Variants in RAP1GAP2 observed in about 807,000 individuals in gnomAD.
RAP1GAP2 encodes rap1 GTPase-activating protein 2.
Under a neutral mutation model 95.0 loss-of-function variants are expected in RAP1GAP2, and 27 were observed. The observed-to-expected ratio is 0.28, with a 90% CI of 0.21 to 0.39. The LOEUF (loss-of-function observed/expected upper bound fraction) is 0.39. Ranked by LOEUF, RAP1GAP2 falls within the 10% of genes least tolerant of loss-of-function variation. The pLI, the probability that RAP1GAP2 is intolerant of heterozygous loss-of-function variation, is 1.00. For missense variants in RAP1GAP2, 771 were observed against 970.0 expected, an observed-to-expected ratio of 0.79 and a Z score of 2.72; for synonymous variants, 373 against 380.9, an observed-to-expected ratio of 0.98 and a Z score of 0.24.
At chr17:2,852,035 A>G (rs951555258) in intron 2 of RAP1GAP2, among the ~76,000 whole-genome samples, 3 of 152,116 alleles carry the variant, frequency 2.0e-5, no homozygotes, top group Admixed American at 2.0e-4. Context: ...CTGCCATCTA[A>G]CTGAAGCGGT....
chr17:3,028,049 G>A lies in RAP1GAP2; in HGVS notation c.2107+979G>A, dbSNP rs147622407. ...GAGGGCAGCACAGGACTTTGAGCCTGGGTCCAAATCCTGGGTCTGCTGCTT... is the reference window on the plus strand; with the variant it reads ...GAGGGCAGCACAGGACTTTGAGCCTAGGTCCAAATCCTGGGTCTGCTGCTT... On this transcript the variant is annotated intron_variant, in intron 22 of 24. Coordinates refer to ENST00000254695, the MANE Select transcript of RAP1GAP2 (RefSeq NM_015085.5). Among the ~76,000 whole-genome samples, 484 of 152,134 alleles carry A rather than the reference G, an allele frequency of 3.2e-3. 2 individuals carry two copies. Among genetic ancestry groups the A allele is most frequent in the African/African-American group, 0.011 (460 of 41,496 alleles).
In RAP1GAP2 at chr17:2,857,363, T is replaced by C. The variant is rs1169048831; in HGVS notation, c.81-47921T>C. Among the ~76,000 whole-genome samples, 1 of 152,082 alleles carries C rather than the reference T, an allele frequency of 6.6e-6. No homozygotes were observed. The stretch of plus-strand genomic sequence containing the variant: ...GGACAGGGAGGTGTGCCAGCCAGGG[T>C]AGTCATGAGACAGATGTCCCATATA... On this transcript the variant is annotated intron_variant, in intron 2 of 24. Coordinates refer to ENST00000254695, the MANE Select transcript of RAP1GAP2 (RefSeq NM_015085.5). This position sits in a 1 kb window ranked among gnomAD's most constrained non-coding sequence, Gnocchi z 4.0.
In RAP1GAP2 at chr17:2,886,233, T is replaced by C. The variant is rs1204700658; in HGVS notation, c.81-19051T>C. 3.3e-5 allele frequency among the ~76,000 whole-genome samples: 5 copies of C among 149,268 alleles called. No individual in the cohort carries two copies. The East Asian group carries it at 9.9e-4, about 29-fold the overall frequency. Reference sequence around the variant, plus strand: ...TGTCCCCCAGGCTGGAGTGCAGTGGTGCGATCTCAGCTCACTGCAACCTCC... The same window carrying C: ...TGTCCCCCAGGCTGGAGTGCAGTGGCGCGATCTCAGCTCACTGCAACCTCC... On this transcript the variant is annotated intron_variant, in intron 2 of 24. Coordinates refer to ENST00000254695, the MANE Select transcript of RAP1GAP2 (RefSeq NM_015085.5).
intron 3 of RAP1GAP2, among the ~76,000 whole-genome samples, chr17:2,933,687 A>G (rs2043223393): frequency 6.6e-6 from 1 of 152,186 alleles, no homozygotes; most frequent in Non-Finnish European, 1.5e-5. Flanking sequence ...AGAATGCCTA[A>G]CCCTCTAGTT....
rs922224206 is a variant in RAP1GAP2 at position 3,005,711 on chromosome 17, C to T, written c.1273-244C>T. Among the ~76,000 whole-genome samples the T allele has an allele frequency of 6.6e-6, 1 of 152,112 alleles. No homozygotes were observed. On this transcript the variant is annotated intron_variant, in intron 15 of 24. Transcript: ENST00000254695. The surrounding 1 kb of genome is among the most constrained non-coding windows in gnomAD (Gnocchi z 5.2). ...TTTATGTTGAGCCCCGGTCAAGGAG[C>T]CTTGGGCAGGAATGAGCTCCAGTCG...
chr17:2,905,314 G>C lies in RAP1GAP2; in HGVS notation c.111G>C (p.Ala37=), dbSNP rs944904778. Residue 37 remains alanine (A), a synonymous_variant, in exon 3 of 25, where the codon GCG becomes GCC. Coordinates refer to ENST00000254695, the MANE Select transcript of RAP1GAP2 (RefSeq NM_015085.5). ...KKQELANSSD[A]TLPDRPLSPP... ...AGGAGCTGGCCAACAGCTCGGATGCGACCCTCCCAGACCGGCCGCTCTCCC... is the reference window on the plus strand; with the variant it reads ...AGGAGCTGGCCAACAGCTCGGATGCCACCCTCCCAGACCGGCCGCTCTCCC... 10 of 1,613,604 alleles carry C rather than the reference G, an allele frequency of 6.2e-6. No individual in the cohort carries two copies. The highest frequency in any genetic ancestry group is 1.1e-5 in the South Asian group (1 of 91,064).
chr17:2,778,865 C>T (rs937386670), intron 1 of RAP1GAP2, among the ~76,000 whole-genome samples: 4 of 152,160 alleles, frequency 2.6e-5, no homozygotes, highest in East Asian at 1.9e-4. Context: ...CTCTCCTGGG[C>T]GGTGTTCTGA....
intron 2 of RAP1GAP2, among the ~76,000 whole-genome samples, chr17:2,847,493 C>T (rs983157790): frequency 7.9e-5 from 12 of 152,012 alleles, no homozygotes; most frequent in Non-Finnish European, 1.5e-4. Flanking sequence ...GCACAGAAGG[C>T]GTTACTGGAT....
intron 8 of RAP1GAP2, among the ~76,000 whole-genome samples, chr17:2,971,719 A>T (rs1234953915): frequency 6.6e-6 from 1 of 152,226 alleles, no homozygotes; most frequent in Non-Finnish European, 1.5e-5. Context: ...GAGTGCTTAC[A>T]TGTCCTGGTG....
chr17:2,995,152 A>G (rs904689545), intron 12 of RAP1GAP2, among the ~76,000 whole-genome samples, 185 bp from the exon 13 acceptor site: 30 of 152,178 alleles, frequency 2.0e-4, no homozygotes, highest in African/African-American at 3.4e-4. Context: ...GTAGAGTGCC[A>G]GCGCTGATAT....
At chr17:2,944,375 C>T (rs1044525868) in intron 3 of RAP1GAP2, among the ~76,000 whole-genome samples, 3 of 152,042 alleles carry the variant, frequency 2.0e-5, no homozygotes, top group Non-Finnish European at 4.4e-5. Context: ...TTTTTTGCAG[C>T]GCCATTTGTT....
At chr17:2,929,436 C>G (rs2043071333) in intron 3 of RAP1GAP2, among the ~76,000 whole-genome samples, 1 of 152,094 alleles carries the variant, frequency 6.6e-6, no homozygotes, top group East Asian at 1.9e-4. Flanking sequence ...AAGGGGCGCT[C>G]CATCTGCAGG....
intron 8 of RAP1GAP2, among the ~76,000 whole-genome samples, chr17:2,975,753 C>T (rs963346920): frequency 5.3e-5 from 8 of 152,350 alleles, no homozygotes; most frequent in African/African-American, 1.9e-4. Flanking sequence ...TGCCCCTGGC[C>T]CGCACTGCCT....
At position 3,005,835 on chromosome 17, in the gene RAP1GAP2, G is replaced by A. The variant is rs1420725465; in HGVS notation, c.1273-120G>A. On this transcript the variant is annotated intron_variant, in intron 15 of 24. Transcript: ENST00000254695. The surrounding 1 kb of genome is among the most constrained non-coding windows in gnomAD (Gnocchi z 5.2). ...CCTGGGCTAGAAATGATCCGCTGTCGGAAGGGACTTTTCAGGGGTTCTCCC... is the reference window on the plus strand; with the variant it reads ...CCTGGGCTAGAAATGATCCGCTGTCAGAAGGGACTTTTCAGGGGTTCTCCC... 12 of 943,822 alleles carry A rather than the reference G, an allele frequency of 1.3e-5. No individual in the cohort carries two copies. The highest frequency in any genetic ancestry group is 7.3e-5 in the East Asian group (3 of 41,032). 58.5% of individuals were successfully genotyped at this position (943,822 alleles called of 1,614,324 possible).
intron 23 of RAP1GAP2, among the ~76,000 whole-genome samples, 159 bp from the exon 24 acceptor site, chr17:3,032,252 C>G (rs1330138403): frequency 6.6e-6 from 1 of 152,046 alleles, no homozygotes; most frequent in Non-Finnish European, 1.5e-5. Context: ...CTATCGAGAA[C>G]TCCAGGTCCA....
chr17:2,781,342 G>C (rs557262608), intron 1 of RAP1GAP2, among the ~76,000 whole-genome samples: 1 of 152,366 alleles, frequency 6.6e-6, no homozygotes, highest in East Asian at 1.9e-4. Context: ...AAGAGCAGGA[G>C]GGGAGAGACA....
chr17:2,917,184 G>T (rs1439483617), intron 3 of RAP1GAP2, among the ~76,000 whole-genome samples: 4 of 152,190 alleles, frequency 2.6e-5, no homozygotes, highest in Non-Finnish European at 5.9e-5. Flanking sequence ...TTCTTCTTAA[G>T]AAGTTGAAGC....
At chr17:2,991,477 A>G in intron 12 of RAP1GAP2, 80 bp downstream of exon 12, 2 of 1,066,340 alleles carry the variant, frequency 1.9e-6, no homozygotes, top group Non-Finnish European at 2.8e-6. Flanking sequence ...GTCCTCAGGG[A>G]GCACGTGTGA....
intron 2 of RAP1GAP2, among the ~76,000 whole-genome samples, chr17:2,806,292 C>T (rs1181312951): frequency 2.0e-5 from 3 of 152,236 alleles, no homozygotes; most frequent in Middle Eastern, 3.4e-3. Flanking sequence ...CTGGGGACTC[C>T]AGTGTCAGCT....
Sources: allele counts gnomAD v4.1 joint callset (sites outside exome capture counted in the v4.1 genomes callset), GRCh38; gene constraint gnomAD v4.1.1; non-coding constraint Gnocchi (gnomAD v3.1); transcripts MANE v1.5; gene names NCBI Gene and HGNC (gene_info 2026-07-23, HGNC 2026-07-21).